Variants in SPG7 observed in about 807,000 individuals in gnomAD.
The protein encoded by SPG7 is SPG7 matrix AAA peptidase subunit, paraplegin.
A neutral mutation model predicts 81.9 loss-of-function variants in SPG7; 103 were observed. The observed-to-expected ratio is 1.26, with a 90% CI of 1.07 to 1.48. The LOEUF is 1.48. SPG7 is among the 40% of genes most tolerant of loss of function. SPG7 has a pLI of 0.00. For synonymous variants in SPG7, 534 were observed against 444.2 expected (o/e 1.20, Z -2.54); for missense variants, 1,241 against 1,087.3 (o/e 1.14, Z -1.99).
intron 10 of SPG7, chr16:89,546,451 G>C (rs990111778): frequency 1.8e-6 from 1 of 558,162 alleles, no homozygotes. Flanking sequence ...GCCGAGGCAG[G>C]TGGATCACTT....
At chr16:89,546,149 C>T (rs559516269) in intron 10 of SPG7, 3 of 293,588 alleles carry the variant, frequency 1.0e-5, no homozygotes, top group Non-Finnish European at 2.0e-5. Flanking sequence ...TGCAGCGGCG[C>T]GATCTCGGCT....
rs917423403 is a variant in SPG7, at chr16:89,540,798, G to C, written c.1325-3850G>C. ...CACATGACCCCGCATCCACCCTCCT[G>C]GGTGCTCATCCCAGGAAAGCAAAGA... On this transcript the variant is annotated intron_variant, in intron 9 of 16. Coordinates refer to ENST00000645818, the MANE Select transcript of SPG7 (RefSeq NM_003119.4). The C allele has an allele frequency of 1.7e-5, 12 of 692,306 alleles. No homozygotes were observed. In the African/African-American group the frequency reaches 2.3e-4, roughly 13 times the overall value. 42.9% of individuals were successfully genotyped at this position (692,306 alleles called of 1,614,324 possible).
At chr16:89,532,399 G>T in intron 8 of SPG7, 64 bp from the exon 9 acceptor site, 3 of 1,574,028 alleles carry the variant, frequency 1.9e-6, no homozygotes, top group African/African-American at 2.7e-5. Flanking sequence ...TCTGGCCCGG[G>T]TACAGGAAGA....
chr16:89,540,906 A>C (rs1046329826), intron 9 of SPG7: 8 of 985,394 alleles, frequency 8.1e-6, no homozygotes, highest in Non-Finnish European at 9.6e-6. Context: ...GGTGCCATTC[A>C]GTGGCTGAGA....
At chr16:89,541,293 T>A (rs753433847) in intron 9 of SPG7, 30 of 985,372 alleles carry the variant, frequency 3.0e-5, no homozygotes, top group Middle Eastern at 1.0e-3. Context: ...CATGGTGTTC[T>A]ATGCAGCAGT....
intron 13 of SPG7, among the ~76,000 whole-genome samples, chr16:89,550,983 C>A (rs907282796): frequency 6.6e-6 from 1 of 152,194 alleles, no homozygotes; most frequent in African/African-American, 2.4e-5. Flanking sequence ...TTAAAAAATA[C>A]TATTCTAGGC....
intron 10 of SPG7, chr16:89,545,077 G>A (rs1567926797): frequency 2.3e-6 from 1 of 431,690 alleles, no homozygotes; most frequent in South Asian, 2.1e-5. Flanking sequence ...TTTTATCCTG[G>A]GTATCAGTCT....
At chr16:89,546,623 G>T (rs202044232) in intron 10 of SPG7, 35 bp from the exon 11 acceptor site, 2 of 1,455,858 alleles carry the variant, frequency 1.4e-6, no homozygotes, top group East Asian at 4.6e-5. Context: ...AACTAGGCTT[G>T]AGCCCGACTG....
Position 89,522,885 on chromosome 16 carries a change from C to G in SPG7, c.377-1121C>G, listed in dbSNP as rs373567872. On this transcript the variant is annotated intron_variant, in intron 3 of 16. Coordinates refer to ENST00000645818, the MANE Select transcript of SPG7 (RefSeq NM_003119.4). ...CCATGCCCTCCTCAGAGGCGTCTCC[C>G]TGGCTTCGCTGCCTGGCGCTGCTTG... The G allele has an allele frequency of 4.4e-4, 67 of 152,772 alleles. 1 individual carries two copies. The highest frequency in any genetic ancestry group is 1.4e-3 in the African/African-American group (58 of 41,616). 9.5% of individuals were successfully genotyped at this position (152,772 alleles called of 1,614,324 possible). A position where few individuals can be genotyped will look rare whatever the true frequency, so the allele number is the denominator to read the frequency against.
Position 89,508,455 on chromosome 16 carries a change from G to A in SPG7, c.38G>A (p.Arg13Gln). ...VLLLLLRALRRGPGPGPRPLW... is the reference protein window; with the variant it reads ...VLLLLLRALRQGPGPGPRPLW... ...CTGCTGCTGCTCCGTGCCCTCCGCC[G>A]GGGTCCAGGCCCGGGTCCTCGGCCG... The change falls in exon 1 of 17, where the codon CGG becomes CAG. Residue 13 changes from arginine (R) to glutamine (Q), a missense_variant. Arg to Gln is a conservative substitution (Grantham distance 43, BLOSUM62 1). Coordinates refer to ENST00000645818, the MANE Select transcript of SPG7 (RefSeq NM_003119.4). The A allele has an allele frequency of 2.7e-6, 4 of 1,503,980 alleles. No homozygotes were observed. Among genetic ancestry groups the A allele is most frequent in the Non-Finnish European group, 3.5e-6 (4 of 1,133,516 alleles). The allele number at this position is 1,503,980 out of a possible 1,614,324, so 93.2% of individuals were successfully genotyped here.
Position 89,557,416 on chromosome 16 carries a change from A to G in SPG7, c.*323A>G. 5.1e-6 allele frequency: 2 copies of G among 391,230 alleles called. No individual in the cohort carries two copies. The highest frequency in any genetic ancestry group is 9.6e-6 in the Non-Finnish European group (2 of 208,880). The allele number at this position is 391,230 out of a possible 1,614,324, so 24.2% of individuals were successfully genotyped here. Reference sequence around the variant, plus strand: ...GTGGCTGAGGCCACCCAGAGGCAGCAGAGCATTCAGACTCCAAACAGACCC... The same window carrying G: ...GTGGCTGAGGCCACCCAGAGGCAGCGGAGCATTCAGACTCCAAACAGACCC... On this transcript the variant is annotated 3_prime_UTR_variant, in exon 17 of 17. Coordinates refer to ENST00000645818, the MANE Select transcript of SPG7 (RefSeq NM_003119.4).
At chr16:89,554,326 G>A (rs1385614498) in intron 15 of SPG7, 160 bp from the exon 16 acceptor site, 1 of 683,178 alleles carries the variant, frequency 1.5e-6, no homozygotes, top group African/African-American at 1.8e-5. Flanking sequence ...CTGCTTTCCT[G>A]GCACTGGTCA....
rs758056740 is a variant in SPG7 at position 89,512,950 on chromosome 16, G to T, written c.289G>T (p.Gly97Cys). 1.2e-6 allele frequency: 2 copies of T among 1,613,092 alleles called. No individual in the cohort carries two copies. Among genetic ancestry groups the T allele is most frequent in the Non-Finnish European group, 1.7e-6 (2 of 1,179,308 alleles). The change falls in exon 3 of 17, where the codon GGT (glycine) becomes TGT (cysteine). Residue 97 changes from glycine (G) to cysteine (C), a missense_variant and splice_region_variant. Physicochemically the swap from Gly to Cys is radical, Grantham distance 159. Transcript: ENST00000645818. Reference sequence around the variant, plus strand: ...AATCCTTTCTCTATTTCTCATAGGTGGTACTTTCTATTTTAACACCTCAAG... The same window carrying T: ...AATCCTTTCTCTATTTCTCATAGGTTGTACTTTCTATTTTAACACCTCAAG... ...NPVRLWQLLG[G>C]TFYFNTSRLK...
At chr16:89,544,421 C>T in intron 9 of SPG7, 1 of 531,646 alleles carries the variant, frequency 1.9e-6, no homozygotes, top group South Asian at 1.9e-5. Flanking sequence ...TTGGACAGTT[C>T]TGCTGTTTGC....
chr16:89,529,674 C>T (rs2058314831), intron 6 of SPG7, 95 bp downstream of exon 6: 3 of 936,848 alleles, frequency 3.2e-6, no homozygotes, highest in African/African-American at 1.6e-5. Context: ...ACAGGGAAAA[C>T]CTGTTGCAGA....
intron 13 of SPG7, chr16:89,552,444 A>G (rs555225859): frequency 6.0e-6 from 1 of 166,424 alleles, no homozygotes; most frequent in African/African-American, 2.4e-5. Flanking sequence ...TCTCAGAAGC[A>G]GCAGCTGGGC....
intron 12 of SPG7, chr16:89,548,409 C>A: frequency 2.6e-6 from 1 of 386,778 alleles, no homozygotes; most frequent in South Asian, 2.4e-5. Flanking sequence ...ATAATAAAAA[C>A]TAAAAATGTC....
intron 2 of SPG7, among the ~76,000 whole-genome samples, chr16:89,512,669 A>G (rs1347614928): frequency 6.6e-6 from 1 of 152,224 alleles, no homozygotes; most frequent in Non-Finnish European, 1.5e-5. Flanking sequence ...ATTTTCCCAA[A>G]TTTGTGTTCA....
intron 2 of SPG7, 108 bp from the exon 3 acceptor site, chr16:89,512,840 C>A: frequency 8.4e-7 from 1 of 1,192,812 alleles, no homozygotes; most frequent in Non-Finnish European, 1.2e-6. Context: ...GTAGGTTTTT[C>A]AGATGGTTTT....
Sources: allele counts gnomAD v4.1 joint callset (sites outside exome capture counted in the v4.1 genomes callset), GRCh38; gene constraint gnomAD v4.1.1; transcripts MANE v1.5; gene names NCBI Gene and HGNC (gene_info 2026-07-23, HGNC 2026-07-21).